The following COQ8A variants were observed in gnomAD, a reference collection of about 807,000 sequenced individuals.
COQ8A encodes the protein atypical kinase COQ8A, mitochondrial.
COQ8A carries 51 observed loss-of-function variants against 65.0 expected under a neutral mutation model. That is an observed-to-expected ratio of 0.78 (90% confidence interval 0.63 to 0.99). The LOEUF (loss-of-function observed/expected upper bound fraction) is 0.99, where lower values mean the gene tolerates loss of function less well. Ranked by LOEUF, COQ8A falls within the 50% of genes least tolerant of loss-of-function variation. The pLI, the probability that COQ8A is intolerant of heterozygous loss-of-function variation, is 0.00. For missense variants in COQ8A, 940 were observed against 875.0 expected (o/e 1.07, Z -0.94); for synonymous variants, 371 against 353.2 (o/e 1.05, Z -0.57).
chr1:226,952,785 A>G lies in COQ8A; in HGVS notation c.-9-8592A>G, dbSNP rs140532396. 2.2e-4 allele frequency among the ~76,000 whole-genome samples: 33 copies of G among 152,326 alleles called. 1 individual carries two copies. The highest frequency in any genetic ancestry group is 7.9e-4 in the African/African-American group (33 of 41,568). On this transcript the variant is annotated intron_variant, in intron 1 of 14. Coordinates refer to ENST00000366777, the MANE Select transcript of COQ8A (RefSeq NM_020247.5). The stretch of plus-strand genomic sequence containing the variant: ...TTCTTTGTAGAATATTTTAGAAAAT[A>G]TAGATACAGGTACAAAGGCTGTATC...
chr1:226,954,565 G>A (rs531255209), intron 1 of COQ8A, among the ~76,000 whole-genome samples: 5 of 152,348 alleles, frequency 3.3e-5, no homozygotes, highest in South Asian at 4.1e-4. Context: ...TGAGACGTTC[G>A]CAGCAGCTTG....
intron 1 of COQ8A, among the ~76,000 whole-genome samples, chr1:226,951,220 A>C (rs1657359211): frequency 6.6e-6 from 1 of 152,178 alleles, no homozygotes; most frequent in Non-Finnish European, 1.5e-5. Context: ...GGGTTCTTGT[A>C]AAGGAGGCTG....
At chr1:226,960,631 G>T (rs1658190388) in intron 1 of COQ8A, among the ~76,000 whole-genome samples, 1 of 139,368 alleles carries the variant, frequency 7.2e-6, no homozygotes, top group South Asian at 2.4e-4. Context: ...GGTGGTGGTG[G>T]TGGTGGTGGT....
rs1657502248 is a variant in COQ8A, at chr1:226,953,297, G to C, written c.-9-8080G>C. Among the ~76,000 whole-genome samples, 5 of 152,164 alleles carry C rather than the reference G, an allele frequency of 3.3e-5. No individual in the cohort carries two copies. The South Asian group carries it at 1.0e-3, about 31-fold the overall frequency. On this transcript the variant is annotated intron_variant, in intron 1 of 14. Coordinates refer to ENST00000366777, the MANE Select transcript of COQ8A (RefSeq NM_020247.5). ...CCAGCCTTGGCCTCCCAAGGTGCTGGGATTACAGGCATGAGCCACTGTGCC... is the reference window on the plus strand; with the variant it reads ...CCAGCCTTGGCCTCCCAAGGTGCTGCGATTACAGGCATGAGCCACTGTGCC...
At chr1:226,944,083 G>A (rs1656854545) in intron 1 of COQ8A, among the ~76,000 whole-genome samples, 1 of 152,052 alleles carries the variant, frequency 6.6e-6, no homozygotes, top group Non-Finnish European at 1.5e-5. Flanking sequence ...AGAAAGAGGA[G>A]CTGGGGGAGG....
Position 226,982,143 on chromosome 1 carries a change from A to G in COQ8A, c.847A>G (p.Ile283Val). Residue 283 changes from isoleucine (I) to valine (V), a missense_variant, in exon 6 of 15, where the codon ATC (isoleucine) becomes GTC (valine). Transcript: ENST00000366777. ...AALKLGQMLSIQDDAFINPHL... is the reference protein window; with the variant it reads ...AALKLGQMLSVQDDAFINPHL... ...ACTCAAGCTGGGCCAGATGCTGAGC[A>G]TCCAGGGTGAGTGGGCGCGGGGGCT... 1 of 1,593,024 alleles carries G rather than the reference A, an allele frequency of 6.3e-7. No individual in the cohort carries two copies. Among genetic ancestry groups the G allele is most frequent in the East Asian group, 2.3e-5 (1 of 43,288 alleles).
chr1:226,959,607 G>A (rs1558186391), intron 1 of COQ8A, among the ~76,000 whole-genome samples: 1 of 152,202 alleles, frequency 6.6e-6, no homozygotes, highest in Admixed American at 6.5e-5. Context: ...GTGTTTATTA[G>A]CAGCATCTGT....
At chr1:226,955,423 A>ACTCTCCCTGGCTACCG (rs1657634609) in intron 1 of COQ8A, among the ~76,000 whole-genome samples, 1 of 116,468 alleles carries the variant, frequency 8.6e-6, no homozygotes, top group African/African-American at 3.4e-5. Flanking sequence ...CCTGGCTGCC[A>ACTCTCCCTGGCTACCG]CTCTCCCTGG....
chr1:226,968,748 C>G (rs1658708510), intron 4 of COQ8A, among the ~76,000 whole-genome samples: 1 of 152,110 alleles, frequency 6.6e-6, no homozygotes, highest in South Asian at 2.1e-4. Context: ...AAGTGGAAGT[C>G]AAGGACTTTC....
At position 226,965,700 on chromosome 1, in the gene COQ8A, G is replaced by T. The variant is rs115855910; in HGVS notation, c.618G>T (p.Val206=). The part of the protein sequence containing the change: ...TLSEHARERK[V]PVTRIGRLAN... ...GCGAGCATGCCCGGGAGCGGAAGGT[G>T]CCTGTGACGAGGATTGGCCGGCTGG... Residue 206 remains valine (V), a synonymous_variant, in exon 4 of 15, where the codon GTG becomes GTT. Transcript: ENST00000366777. 2.5e-6 allele frequency: 4 copies of T among 1,613,938 alleles called. No homozygotes were observed. Among genetic ancestry groups the T allele is most frequent in the Non-Finnish European group, 3.4e-6 (4 of 1,180,054 alleles).
intron 1 of COQ8A, among the ~76,000 whole-genome samples, chr1:226,942,180 TA>T (rs1039710114): frequency 9.2e-5 from 14 of 152,036 alleles, no homozygotes; most frequent in Non-Finnish European, 1.3e-4. Context: ...GGTAAAACTC[TA>T]AAAAGAGTTG....
chr1:226,983,338 TC>T (rs934738742), intron 8 of COQ8A: 3 of 673,084 alleles, frequency 4.5e-6, no homozygotes, highest in Admixed American at 4.4e-5. Context: ...CGTGAGCTGT[TC>T]CCAGGGGTGA....
At chr1:226,944,650 A>C (rs1656892028) in intron 1 of COQ8A, among the ~76,000 whole-genome samples, 1 of 140,720 alleles carries the variant, frequency 7.1e-6, no homozygotes, top group South Asian at 2.4e-4. Flanking sequence ...TGGGGGCTTG[A>C]AGAGCCTTAG....
At chr1:226,947,037 T>C (rs1657085552) in intron 1 of COQ8A, among the ~76,000 whole-genome samples, 1 of 152,230 alleles carries the variant, frequency 6.6e-6, no homozygotes, top group Admixed American at 6.5e-5. Context: ...TGACAAACTT[T>C]CCAGAGCAGG....
At chr1:226,955,319 C>T (rs568707151) in intron 1 of COQ8A, among the ~76,000 whole-genome samples, 11 of 152,034 alleles carry the variant, frequency 7.2e-5, no homozygotes, top group African/African-American at 2.7e-4. Flanking sequence ...GTGGACTCTC[C>T]CTGACTCCCA....
At chr1:226,953,826 T>A (rs1320625848) in intron 1 of COQ8A, among the ~76,000 whole-genome samples, 1 of 152,218 alleles carries the variant, frequency 6.6e-6, no homozygotes, top group Non-Finnish European at 1.5e-5. Flanking sequence ...TGGTGTGTGA[T>A]CATAAAGACT....
chr1:226,983,656 C>T (rs1285948951), intron 9 of COQ8A, 23 bp downstream of exon 9: 3 of 1,613,436 alleles, frequency 1.9e-6, no homozygotes, highest in South Asian at 2.2e-5. Context: ...GTGGTTGGGT[C>T]AAGGGCAGGA....
rs751008858 is a variant in COQ8A, at chr1:226,965,373, C to T, written c.551C>T (p.Ala184Val). Residue 184 changes from alanine to valine, a missense_variant, in exon 3 of 15, where the codon GCT becomes GTT. Transcript: ENST00000366777. ...TAEDIEKARQ[A>V]KARPENKQHK... is the part of the protein sequence containing the mutation. ...GAGGACATTGAGAAGGCCCGGCAGG[C>T]TAAGGCTCGCCCCGAGAACAAGCAG... 1 of 1,611,844 alleles carries T rather than the reference C, an allele frequency of 6.2e-7. No homozygotes were observed. Among genetic ancestry groups the T allele is most frequent in the South Asian group, 1.1e-5 (1 of 90,576 alleles).
At chr1:226,977,867 C>T (rs1659341851) in intron 5 of COQ8A, among the ~76,000 whole-genome samples, 1 of 151,054 alleles carries the variant, frequency 6.6e-6, no homozygotes, top group African/African-American at 2.4e-5. Flanking sequence ...GCACACCCAC[C>T]GAACACCCGC....
Sources: allele counts gnomAD v4.1 joint callset (sites outside exome capture counted in the v4.1 genomes callset), GRCh38; gene constraint gnomAD v4.1.1; transcripts MANE v1.5; gene names NCBI Gene and HGNC (gene_info 2026-07-23, HGNC 2026-07-21).